The following TRERF1 variants were observed in gnomAD, a reference collection of about 807,000 sequenced individuals.
TRERF1 encodes transcriptional-regulating factor 1.
TRERF1 carries 27 observed loss-of-function variants against 122.9 expected under a neutral mutation model. The observed-to-expected ratio is 0.22, with a 90% CI of 0.16 to 0.30. TRERF1 has a LOEUF of 0.30. Ranked by LOEUF, TRERF1 falls within the 10% of genes least tolerant of loss-of-function variation. The pLI is 1.00. For missense variants in TRERF1, 1,248 were observed against 1,560.3 expected (o/e 0.80, Z 3.37); for synonymous variants, 636 against 641.7 (o/e 0.99, Z 0.13).
intron 2 of TRERF1, among the ~76,000 whole-genome samples, chr6:42,430,583 C>T: frequency 6.6e-6 from 1 of 151,912 alleles, no homozygotes; most frequent in Non-Finnish European, 1.5e-5. Flanking sequence ...AACCCCTTTT[C>T]TACTAAAAAT....
At chr6:42,395,005 G>A (rs745419655) in intron 2 of TRERF1, among the ~76,000 whole-genome samples, 6 of 152,224 alleles carry the variant, frequency 3.9e-5, no homozygotes, top group Non-Finnish European at 1.5e-5. Context: ...CTGAAATGAA[G>A]TCATAAAATT....
chr6:42,400,834 G>A (rs1368607441), intron 2 of TRERF1, among the ~76,000 whole-genome samples: 2 of 152,178 alleles, frequency 1.3e-5, no homozygotes, highest in Admixed American at 1.3e-4. Flanking sequence ...ATAAACACTG[G>A]CTGTGTCCCA....
rs137935707 is a variant in TRERF1, at chr6:42,432,715, G to A, written c.-454+18462C>T. ...AAATTAGCCAGACGTGGTGGCAGGC[G>A]CCTTGTAGTCCCAGCTACTCAGGAG... On this transcript the variant is annotated intron_variant, in intron 2 of 17. Transcript: ENST00000372922. Among the ~76,000 whole-genome samples the A allele has an allele frequency of 7.8e-3, 1,191 of 151,998 alleles. 11 individuals carry two copies. Among genetic ancestry groups the A allele is most frequent in the Non-Finnish European group, 0.01 (692 of 67,954 alleles).
intron 2 of TRERF1, among the ~76,000 whole-genome samples, chr6:42,412,486 C>G (rs1781258844): frequency 6.6e-6 from 1 of 152,102 alleles, no homozygotes; most frequent in South Asian, 2.1e-4. Context: ...AAATAAAAAC[C>G]AGGAGTTTGG....
chr6:42,402,077 C>T (rs1397960697), intron 2 of TRERF1, among the ~76,000 whole-genome samples: 1 of 152,156 alleles, frequency 6.6e-6, no homozygotes, highest in East Asian at 1.9e-4. Context: ...TTTGCACAGA[C>T]TTGTTTAGTT....
intron 2 of TRERF1, among the ~76,000 whole-genome samples, chr6:42,416,100 T>G (rs1781797194): frequency 1.3e-5 from 2 of 152,160 alleles, no homozygotes; most frequent in Admixed American, 6.5e-5. Flanking sequence ...TTCCATCATA[T>G]TTTCTAGCTG....
intron 3 of TRERF1, among the ~76,000 whole-genome samples, chr6:42,326,239 T>G (rs1031583109): frequency 1.4e-5 from 2 of 145,492 alleles, no homozygotes; most frequent in African/African-American, 5.6e-5. Flanking sequence ...GCTGGCTGGA[T>G]GGAAGGGGTG....
At chr6:42,374,066 GA>G (rs1774313690) in intron 2 of TRERF1, among the ~76,000 whole-genome samples, 1 of 151,718 alleles carries the variant, frequency 6.6e-6, no homozygotes, top group African/African-American at 2.4e-5. Flanking sequence ...CAGGGAGTCG[GA>G]GGTTGCAGTG....
chr6:42,245,405 C>T (rs886135726), intron 14 of TRERF1, among the ~76,000 whole-genome samples: 2 of 152,214 alleles, frequency 1.3e-5, no homozygotes, highest in Non-Finnish European at 2.9e-5. Context: ...GGAGACATGC[C>T]ACCCTAGGAC....
At chr6:42,349,276 C>CTT (rs796785748) in intron 3 of TRERF1, among the ~76,000 whole-genome samples, 6 of 147,100 alleles carry the variant, frequency 4.1e-5, no homozygotes, top group African/African-American at 1.2e-4. Context: ...AGGAAGCTGT[C>CTT]TTTTTTTTTT....
chr6:42,289,363 A>T (rs1783894126), intron 4 of TRERF1, among the ~76,000 whole-genome samples: 1 of 151,868 alleles, frequency 6.6e-6, no homozygotes. Flanking sequence ...AAAAACAAAA[A>T]AAAACACAAC....
intron 2 of TRERF1, among the ~76,000 whole-genome samples, chr6:42,436,815 ATATATATATATATATAT>A (rs1159038990): frequency 7.9e-5 from 5 of 63,198 alleles, no homozygotes; most frequent in South Asian, 7.4e-4. Flanking sequence ...AAAAAAAAAA[ATATATATATATATATAT>A]ATATATATAT....
intron 2 of TRERF1, among the ~76,000 whole-genome samples, chr6:42,409,857 G>A (rs942452867): frequency 2.0e-5 from 3 of 152,102 alleles, no homozygotes; most frequent in Non-Finnish European, 2.9e-5. Flanking sequence ...ATTGCTACAC[G>A]GTTATACACA....
At position 42,235,715 on chromosome 6, in the gene TRERF1, T is replaced by C. The variant is rs537008594; in HGVS notation, c.3066+490A>G. Among the ~76,000 whole-genome samples, 8 of 152,344 alleles carry C rather than the reference T, an allele frequency of 5.3e-5. No individual in the cohort carries two copies. The East Asian group carries it at 1.5e-3, about 29-fold the overall frequency. On this transcript the variant is annotated intron_variant, in intron 16 of 17. Transcript: ENST00000372922. The stretch of plus-strand genomic sequence containing the variant: ...TGTTCTCAATTTTAAATTAGTGACA[T>C]TTCGATTAGTAACACTTTATGAAAT...
intron 3 of TRERF1, among the ~76,000 whole-genome samples, chr6:42,327,251 G>A (rs1474665688): frequency 2.0e-5 from 3 of 152,200 alleles, no homozygotes; most frequent in African/African-American, 7.2e-5. Flanking sequence ...GTGCCCCACT[G>A]TGCATGTCCC....
intron 4 of TRERF1, among the ~76,000 whole-genome samples, chr6:42,292,813 TA>T (rs1025528039): frequency 6.6e-6 from 1 of 152,184 alleles, no homozygotes; most frequent in Non-Finnish European, 1.5e-5. Context: ...TATCACCACC[TA>T]AAAAAGTTAG....
rs1561877682 is a variant in TRERF1, at chr6:42,269,841, G to A, written c.-251C>T. 7 of 904,856 alleles carry A rather than the reference G, an allele frequency of 7.7e-6. No homozygotes were observed. Among genetic ancestry groups the A allele is most frequent in the Non-Finnish European group, 1.1e-5 (7 of 656,736 alleles). 56.1% of individuals were successfully genotyped at this position (904,856 alleles called of 1,614,324 possible). A position where few individuals can be genotyped will look rare whatever the true frequency, so the allele number is the denominator to read the frequency against. ...CACAGCACTGTGGTGAGGAGACGTC[G>A]CTCACACCTGCAAGGCAAGATGCAA... On this transcript the variant is annotated 5_prime_UTR_variant, in exon 5 of 18. An upstream open reading frame in the 5' UTR gains an earlier in-frame stop. Transcript: ENST00000372922. This position sits in a 1 kb window ranked among gnomAD's most constrained non-coding sequence, Gnocchi z 4.9.
At chr6:42,254,906 TAGC>T (rs1776458470) in exon 13 of TRERF1, 1 of 1,614,062 alleles carries the variant, frequency 6.2e-7, no homozygotes, top group Non-Finnish European at 8.5e-7. Context: ...GCTTCCGCAG[TAGC>T]AGCATTTCCA....
intron 15 of TRERF1, among the ~76,000 whole-genome samples, chr6:42,242,073 C>A (rs574305434): frequency 6.6e-6 from 1 of 152,130 alleles, no homozygotes; most frequent in Non-Finnish European, 1.5e-5. Flanking sequence ...CTAGCCTGAG[C>A]GACAAAGTGA....
Sources: gnomAD v4.1 joint callset for allele counts (sites outside exome capture counted in the v4.1 genomes callset) on GRCh38, gnomAD v4.1.1 for gene constraint, Gnocchi (gnomAD v3.1) non-coding constraint, MANE v1.5 for transcripts, NCBI Gene and HGNC (gene_info 2026-07-23, HGNC 2026-07-21) for gene names.